Variants in EYS observed in about 807,000 individuals in gnomAD.
EYS encodes the protein EGF-like photoreceptor maintenance factor.
EYS carries 250 observed loss-of-function variants against 282.1 expected under a neutral mutation model. That is an observed-to-expected ratio of 0.89 (90% CI 0.80 to 0.98). The LOEUF is 0.98. Ranked by LOEUF, EYS falls within the 50% of genes least tolerant of loss-of-function variation. EYS has a pLI of 0.00. For missense variants in EYS, 4,016 were observed against 3,709.0 expected (o/e 1.08, Z -2.15); for synonymous variants, 1,355 against 1,282.9 (o/e 1.06, Z -1.20).
chr6:65,593,127 G>T (rs914270499), intron 2 of EYS, among the ~76,000 whole-genome samples: 2 of 151,938 alleles, frequency 1.3e-5, no homozygotes, highest in African/African-American at 4.8e-5. Context: ...TCTCTGATGC[G>T]TAACCATTAA....
intron 19 of EYS, among the ~76,000 whole-genome samples, chr6:64,838,948 G>T (rs559899952): frequency 1.2e-3 from 181 of 151,958 alleles, no homozygotes; most frequent in Non-Finnish European, 2.1e-3. Context: ...AATCTGTATT[G>T]GGAGTTCAAT....
chr6:63,956,501 C>T (rs767251477), intron 35 of EYS, among the ~76,000 whole-genome samples: 1 of 152,180 alleles, frequency 6.6e-6, no homozygotes, highest in Non-Finnish European at 1.5e-5. Flanking sequence ...TTGGTGGTCT[C>T]TTCACATGGA....
intron 26 of EYS, among the ~76,000 whole-genome samples, chr6:64,468,109 C>T (rs1298333454): frequency 6.6e-6 from 1 of 152,190 alleles, no homozygotes; most frequent in African/African-American, 2.4e-5. Flanking sequence ...ACTGCCCACA[C>T]CACCACCAGT....
intron 35 of EYS, among the ~76,000 whole-genome samples, chr6:63,880,487 G>GTCTGTCTGTATC (rs537041801): frequency 4.2e-5 from 6 of 142,780 alleles, no homozygotes; most frequent in African/African-American, 1.6e-4. Flanking sequence ...CTGTCTGTCT[G>GTCTGTCTGTATC]TATCTATCTA....
chr6:64,496,241 T>C (rs910271062), intron 26 of EYS, among the ~76,000 whole-genome samples: 1 of 152,010 alleles, frequency 6.6e-6, no homozygotes, highest in Non-Finnish European at 1.5e-5. Flanking sequence ...AACTTTGATT[T>C]GCTTAATATT....
At chr6:64,794,673 G>T (rs1307893599) in intron 22 of EYS, among the ~76,000 whole-genome samples, 1 of 152,042 alleles carries the variant, frequency 6.6e-6, no homozygotes, top group African/African-American at 2.4e-5. Flanking sequence ...ATCAACAAAT[G>T]AATTTAAAAA....
intron 26 of EYS, among the ~76,000 whole-genome samples, chr6:64,457,988 T>TA (rs947802800): frequency 3.9e-5 from 6 of 151,912 alleles, no homozygotes; most frequent in African/African-American, 1.2e-4. Context: ...GCTTATTACA[T>TA]AAAAAAATTT....
At chr6:64,417,000 C>A (rs1381927935) in intron 28 of EYS, among the ~76,000 whole-genome samples, 1 of 152,150 alleles carries the variant, frequency 6.6e-6, no homozygotes, top group East Asian at 1.9e-4. Flanking sequence ...GGTAGTAGAA[C>A]TCTGGTTGTC....
chr6:63,794,659 C>T (rs1175764204), intron 37 of EYS, among the ~76,000 whole-genome samples: 2 of 152,184 alleles, frequency 1.3e-5, no homozygotes, highest in East Asian at 3.9e-4. Flanking sequence ...TTCTATAAAA[C>T]ATTGTTCTAT....
rs552814555 is a variant in EYS, at chr6:64,356,571, A to G, written c.6078+32119T>C. Among the ~76,000 whole-genome samples, 3 of 151,766 alleles carry G rather than the reference A, an allele frequency of 2.0e-5. No homozygotes were observed. The South Asian group carries it at 6.2e-4, about 31-fold the overall frequency. On this transcript the variant is annotated intron_variant, in intron 29 of 42. Transcript: ENST00000503581. ...CAATATTCTTAGTCTGGGCTTAGTAACACACTAACATTTTACATTTTCCTG... is the reference window on the plus strand; with the variant it reads ...CAATATTCTTAGTCTGGGCTTAGTAGCACACTAACATTTTACATTTTCCTG...
Position 64,897,423 on chromosome 6 carries a change from C to T in EYS, c.2846+4690G>A, listed in dbSNP as rs114054214. 4.5e-3 allele frequency among the ~76,000 whole-genome samples: 688 copies of T among 152,142 alleles called. 6 individuals are homozygous for T. Among genetic ancestry groups the T allele is most frequent in the African/African-American group, 0.016 (646 of 41,518 alleles). ...ATAGCATCAACATCAACAGAAAAGA[C>T]GAACACGTGAAAACTCCCTCCGAAG... On this transcript the variant is annotated intron_variant, in intron 18 of 42. Coordinates refer to ENST00000503581, the MANE Select transcript of EYS (RefSeq NM_001142800.2).
At chr6:65,468,502 G>T (rs80348877) in intron 5 of EYS, among the ~76,000 whole-genome samples, 9,810 of 151,560 alleles carry the variant, frequency 0.065, 343 homozygotes, top group Non-Finnish European at 0.073. Context: ...TATTTATTTA[G>T]TTAGTTAGTT....
intron 5 of EYS, among the ~76,000 whole-genome samples, chr6:65,417,607 T>C (rs1767291102): frequency 6.6e-6 from 1 of 152,080 alleles, no homozygotes; most frequent in Non-Finnish European, 1.5e-5. Context: ...TCAACTCTGC[T>C]CTTGTAGTAT....
intron 2 of EYS, among the ~76,000 whole-genome samples, chr6:65,549,313 G>A (rs1768512986): frequency 7.3e-6 from 1 of 137,140 alleles, no homozygotes; most frequent in Admixed American, 7.4e-5. Context: ...AATGCCCATG[G>A]GGAGAACTGG....
At chr6:65,140,660 C>T (rs62407216) in intron 12 of EYS, among the ~76,000 whole-genome samples, 33,338 of 149,286 alleles carry the variant, frequency 0.22, 3,902 homozygotes, top group Middle Eastern at 0.25. Flanking sequence ...AAACAAACAA[C>T]CCCATCAAAA....
chr6:63,818,539 A>G (rs949591219), intron 36 of EYS, among the ~76,000 whole-genome samples: 3 of 152,004 alleles, frequency 2.0e-5, no homozygotes, highest in African/African-American at 7.3e-5. Flanking sequence ...CCTGAGGCCT[A>G]TCTTGTCCTA....
chr6:65,161,047 A>G (rs950077585), intron 12 of EYS, among the ~76,000 whole-genome samples: 2 of 150,916 alleles, frequency 1.3e-5, no homozygotes, highest in Non-Finnish European at 1.5e-5. Flanking sequence ...CCTACTTAAA[A>G]TCTATGTCTT....
intron 12 of EYS, among the ~76,000 whole-genome samples, chr6:65,118,393 T>C (rs1775439124): frequency 6.6e-6 from 1 of 152,228 alleles, no homozygotes; most frequent in Non-Finnish European, 1.5e-5. Flanking sequence ...TTTTGTAAAG[T>C]TAAATACTTC....
chr6:64,536,597 T>C (rs1461419708), intron 26 of EYS, among the ~76,000 whole-genome samples: 3 of 152,150 alleles, frequency 2.0e-5, no homozygotes, highest in Non-Finnish European at 4.4e-5. Flanking sequence ...AATTAATCTT[T>C]ATATTTTCTC....
Sources: gnomAD v4.1 joint callset for allele counts (sites outside exome capture counted in the v4.1 genomes callset) on GRCh38, gnomAD v4.1.1 for gene constraint, MANE v1.5 for transcripts, NCBI Gene and HGNC (gene_info 2026-07-23, HGNC 2026-07-21) for gene names.